The following SYNE2 variants were observed in gnomAD, a reference collection of about 807,000 sequenced individuals.
SYNE2 encodes nesprin-2.
In SYNE2, 431 loss-of-function variants were observed where a neutral mutation model predicts 856.3. The observed-to-expected ratio is 0.50, with a 90% CI of 0.47 to 0.55. The LOEUF (loss-of-function observed/expected upper bound fraction) is 0.55. Among genes scored for constraint, SYNE2 ranks in the 20% least tolerant of loss-of-function variants. The pLI is 0.00. For synonymous variants in SYNE2, 2,923 were observed against 2,872.3 expected, an observed-to-expected ratio of 1.02 and a Z score of -0.56; for missense variants, 8,129 against 8,023.2, an observed-to-expected ratio of 1.01 and a Z score of -0.50.
At chr14:64,210,876 A>G (rs1212492799) in intron 103 of SYNE2, among the ~76,000 whole-genome samples, 1 of 151,758 alleles carries the variant, frequency 6.6e-6, no homozygotes, top group African/African-American at 2.4e-5. Flanking sequence ...TCAGGAAGAC[A>G]TTGGCTTTTC....
chr14:63,855,512 CTTG>C (rs764582152), intron 1 of SYNE2, among the ~76,000 whole-genome samples: 6 of 152,152 alleles, frequency 3.9e-5, no homozygotes, highest in African/African-American at 7.2e-5. Flanking sequence ...GGCCTTTGGA[CTTG>C]TTGTGCGCTG....
chr14:64,169,778 G>T (rs1041107051), intron 93 of SYNE2, among the ~76,000 whole-genome samples: 1 of 152,132 alleles, frequency 6.6e-6, no homozygotes, highest in African/African-American at 2.4e-5. Flanking sequence ...TCGTGTGAAG[G>T]ATATTATTTA....
intron 32 of SYNE2, among the ~76,000 whole-genome samples, chr14:64,014,854 A>T (rs2096875422): frequency 6.7e-6 from 1 of 149,342 alleles, no homozygotes; most frequent in Admixed American, 6.7e-5. Context: ...GGTGGGTTAC[A>T]TTGATTGATT....
intron 1 of SYNE2, among the ~76,000 whole-genome samples, chr14:63,858,844 A>G (rs1229310956): frequency 1.3e-5 from 2 of 152,182 alleles, no homozygotes; most frequent in East Asian, 1.9e-4. Flanking sequence ...ATGAAGTACA[A>G]TTTGTCAATT....
At position 64,139,933 on chromosome 14, in the gene SYNE2, C is replaced by A; in HGVS notation, c.14844-8C>A. Reference sequence around the variant, plus strand: ...AATCTGCCTTCTCTCTCACTTTGCTCCTGTTAGTTATAACAGAGATTCGGA... The same window carrying A: ...AATCTGCCTTCTCTCTCACTTTGCTACTGTTAGTTATAACAGAGATTCGGA... On this transcript the variant is annotated splice_polypyrimidine_tract_variant and splice_region_variant and intron_variant, in intron 79 of 115. Transcript: ENST00000555002. The A allele has an allele frequency of 6.2e-7, 1 of 1,613,958 alleles. No individual in the cohort carries two copies. The highest frequency in any genetic ancestry group is 8.5e-7 in the Non-Finnish European group (1 of 1,179,924).
At chr14:63,860,442 T>A (rs1893237891) in intron 1 of SYNE2, among the ~76,000 whole-genome samples, 1 of 152,186 alleles carries the variant, frequency 6.6e-6, no homozygotes, top group South Asian at 2.1e-4. Context: ...TGAAAGCATC[T>A]CTTTCTTTTG....
At chr14:64,128,858 G>T (rs1394019266) in intron 74 of SYNE2, among the ~76,000 whole-genome samples, 1 of 152,194 alleles carries the variant, frequency 6.6e-6, no homozygotes, top group Non-Finnish European at 1.5e-5. Context: ...GGGATCCTTT[G>T]TCTGTATATC....
At chr14:63,857,576 A>C (rs1479699291) in intron 1 of SYNE2, among the ~76,000 whole-genome samples, 1 of 152,158 alleles carries the variant, frequency 6.6e-6, no homozygotes, top group African/African-American at 2.4e-5. Context: ...ATATAATATA[A>C]CCAAAATAGT....
chr14:63,835,981 CT>C (rs1299943440), intron 1 of SYNE2, among the ~76,000 whole-genome samples: 4 of 77,140 alleles, frequency 5.2e-5, no homozygotes, highest in Non-Finnish European at 8.9e-5. Context: ...AAAACTCTGT[CT>C]CAAAAAAAAA....
Position 64,089,562 on chromosome 14 carries a change from C to T in SYNE2, c.11671-12C>T, listed in dbSNP as rs758571031. On this transcript the variant is annotated splice_polypyrimidine_tract_variant and intron_variant, in intron 58 of 115. Coordinates refer to ENST00000555002, the MANE Select transcript of SYNE2 (RefSeq NM_182914.3). ...ATATATATTGCATCAGTGTGTTCTT[C>T]TGAAATTCTAGGATGTGGTTGCTAT... is the stretch of plus-strand genomic sequence containing the variant. 6.2e-7 allele frequency: 1 copy of T among 1,606,928 alleles called. No individual in the cohort carries two copies. Among genetic ancestry groups the T allele is most frequent in the Non-Finnish European group, 8.5e-7 (1 of 1,175,156 alleles).
intron 104 of SYNE2, 100 bp from the exon 105 acceptor site, chr14:64,212,711 A>G: frequency 9.2e-7 from 1 of 1,092,524 alleles, no homozygotes; most frequent in South Asian, 1.3e-5. Context: ...AACAACAATA[A>G]TGACATTTGG....
chr14:63,961,669 C>A (rs773537897), intron 9 of SYNE2, 44 bp downstream of exon 9: 1 of 1,369,400 alleles, frequency 7.3e-7, no homozygotes, highest in Non-Finnish European at 1.0e-6. Context: ...TAGTTGTATC[C>A]TGCTAATGGT....
At chr14:63,951,527 T>C (rs951123423) in intron 7 of SYNE2, among the ~76,000 whole-genome samples, 3 of 152,186 alleles carry the variant, frequency 2.0e-5, no homozygotes, top group African/African-American at 7.2e-5. Flanking sequence ...GGTCTCAAAC[T>C]CCTGACCTCA....
intron 94 of SYNE2, among the ~76,000 whole-genome samples, chr14:64,172,934 G>GAA (rs11369182): frequency 7.0e-6 from 1 of 142,664 alleles, no homozygotes; most frequent in Non-Finnish European, 1.5e-5. Context: ...GACCTGTCTG[G>GAA]AAAAAAAAAA....
At chr14:63,901,254 T>C (rs1241790440) in intron 1 of SYNE2, among the ~76,000 whole-genome samples, 1 of 152,232 alleles carries the variant, frequency 6.6e-6, no homozygotes, top group Non-Finnish European at 1.5e-5. Context: ...ATATTTCATT[T>C]TTGTCAAGAG....
intron 2 of SYNE2, among the ~76,000 whole-genome samples, chr14:63,918,241 T>C (rs973754086): frequency 2.6e-5 from 4 of 152,238 alleles, no homozygotes; most frequent in African/African-American, 9.6e-5. Context: ...TTGTAACCAT[T>C]TGCTGGATTT....
intron 93 of SYNE2, among the ~76,000 whole-genome samples, chr14:64,169,599 C>T (rs1286813989): frequency 6.6e-6 from 1 of 152,216 alleles, no homozygotes; most frequent in Non-Finnish European, 1.5e-5. Context: ...TCCACATCAC[C>T]ACCCATACAC....
At chr14:63,852,181 T>G (rs7161586), upstream of SYNE2, among the ~76,000 whole-genome samples, 88,021 of 151,810 alleles carry the variant, frequency 0.58, 26,052 homozygotes, top group South Asian at 0.69. Context: ...ATATTGAAAA[T>G]CCGCTGCTTT....
intron 57 of SYNE2, among the ~76,000 whole-genome samples, chr14:64,086,633 G>GTA (rs1282113850): frequency 1.3e-5 from 2 of 150,446 alleles, no homozygotes; most frequent in East Asian, 3.9e-4. Flanking sequence ...CAGGAACATG[G>GTA]TATATCTCTT....
Sources: allele counts gnomAD v4.1 joint callset (sites outside exome capture counted in the v4.1 genomes callset), GRCh38; gene constraint gnomAD v4.1.1; transcripts MANE v1.5; gene names NCBI Gene and HGNC (gene_info 2026-07-23, HGNC 2026-07-21).